EEF2K: variants seen among roughly 807,000 people sequenced by gnomAD.
EEF2K encodes eukaryotic elongation factor 2 kinase, also known as alternative protein EEF2K.
In EEF2K, 70 loss-of-function variants were observed where a neutral mutation model predicts 93.8. That is an observed-to-expected ratio of 0.75 (90% CI 0.62 to 0.91). EEF2K has a LOEUF of 0.91. Among genes scored for constraint, EEF2K ranks in the 40% least tolerant of loss-of-function variants. The pLI is 0.00. For missense variants in EEF2K, 935 were observed against 972.9 expected, an observed-to-expected ratio of 0.96 and a Z score of 0.52; for synonymous variants, 376 against 380.8, an observed-to-expected ratio of 0.99 and a Z score of 0.15.
chr16:22,249,746 T>C (rs1443278571), intron 4 of EEF2K, among the ~76,000 whole-genome samples: 4 of 152,066 alleles, frequency 2.6e-5, no homozygotes, highest in African/African-American at 9.7e-5. Context: ...TAGCTCAGAC[T>C]ACAGGGGTGC....
intron 15 of EEF2K, 117 bp from the exon 16 acceptor site, chr16:22,273,509 G>C: frequency 6.8e-7 from 1 of 1,467,866 alleles, no homozygotes; most frequent in Non-Finnish European, 9.2e-7. Flanking sequence ...CACTTCTATA[G>C]CCTCCCAACC....
chr16:22,240,071 C>T (rs1475664130), intron 2 of EEF2K, among the ~76,000 whole-genome samples: 1 of 150,188 alleles, frequency 6.7e-6, no homozygotes, highest in Admixed American at 6.7e-5. Context: ...CCACTTCACT[C>T]CAGCCTGGTG....
intron 2 of EEF2K, among the ~76,000 whole-genome samples, chr16:22,227,999 C>A (rs2047079619): frequency 6.9e-6 from 1 of 145,706 alleles, no homozygotes; most frequent in Admixed American, 6.9e-5. Flanking sequence ...GAAGGATAAA[C>A]CAAATTCTTT....
chr16:22,231,014 A>T (rs2047109582), intron 2 of EEF2K, among the ~76,000 whole-genome samples: 1 of 152,150 alleles, frequency 6.6e-6, no homozygotes, highest in Non-Finnish European at 1.5e-5. Context: ...AGCCTGGTCC[A>T]TAATAAAGTC....
intron 15 of EEF2K, among the ~76,000 whole-genome samples, chr16:22,271,781 A>G (rs537986501): frequency 1.4e-4 from 22 of 152,284 alleles, no homozygotes; most frequent in Admixed American, 6.5e-4. Context: ...CATATCATCA[A>G]CTCTCACACA....
In EEF2K at chr16:22,280,397, C is replaced by T. The variant is rs772364232; in HGVS notation, c.2068+21C>T. Reference sequence around the variant, plus strand: ...ATCAGGTAGGGCCTGGCAGACCTGCCCCTGGGCTGCAACAGGGCTGGGCAG... The same window carrying T: ...ATCAGGTAGGGCCTGGCAGACCTGCTCCTGGGCTGCAACAGGGCTGGGCAG... On this transcript the variant is annotated intron_variant, in intron 17 of 17. Coordinates refer to ENST00000263026, the MANE Select transcript of EEF2K (RefSeq NM_013302.5). 9 of 1,461,912 alleles carry T rather than the reference C, an allele frequency of 6.2e-6. No individual in the cohort carries two copies. In the Admixed American group the frequency reaches 1.7e-4, roughly 28 times the overall value. The allele number at this position is 1,461,912 out of a possible 1,614,324, so 90.6% of individuals were successfully genotyped here. A position where few individuals can be genotyped will look rare whatever the true frequency, so the allele number is the denominator to read the frequency against.
chr16:22,270,733 T>C (rs575752823), intron 15 of EEF2K, among the ~76,000 whole-genome samples: 31 of 152,278 alleles, frequency 2.0e-4, no homozygotes, highest in Middle Eastern at 3.4e-3. Flanking sequence ...AGGTCATAAA[T>C]GGTAGAATAT....
At chr16:22,234,121 C>T (rs778920232) in intron 2 of EEF2K, among the ~76,000 whole-genome samples, 1 of 152,132 alleles carries the variant, frequency 6.6e-6, no homozygotes, top group Non-Finnish European at 1.5e-5. Context: ...CTAGGCAAAA[C>T]GTTTGTGTGT....
chr16:22,248,121 A>G (rs1260279943), intron 3 of EEF2K, among the ~76,000 whole-genome samples: 4 of 151,556 alleles, frequency 2.6e-5, no homozygotes, highest in Non-Finnish European at 5.9e-5. Flanking sequence ...CTGGAGTGCA[A>G]TGGTGCAATC....
chr16:22,227,839 G>T (rs555967681), intron 2 of EEF2K, among the ~76,000 whole-genome samples: 1 of 151,866 alleles, frequency 6.6e-6, no homozygotes, highest in Admixed American at 6.6e-5. Context: ...GCTCAAGCCT[G>T]TAATCCCAGC....
Position 22,225,945 on chromosome 16 carries a change from C to T in EEF2K, c.216C>T (p.Ser72=), listed in dbSNP as rs764882224. ...NLTKSERYSS[S]GSPANSFHFK... is the part of the protein sequence containing the mutation. ...CAAAAAGTGAGCGGTATAGCTCCAG[C>T]GGGTCCCCGGCAAACTCCTTCCACT... is the stretch of plus-strand genomic sequence containing the variant. The change falls in exon 2 of 18, where the codon AGC becomes AGT. Residue 72 remains serine, a synonymous_variant. Transcript: ENST00000263026. The T allele has an allele frequency of 4.3e-6, 7 of 1,613,976 alleles. No homozygotes were observed. Among genetic ancestry groups the T allele is most frequent in the East Asian group, 2.2e-5 (1 of 44,894 alleles).
intron 1 of EEF2K, among the ~76,000 whole-genome samples, chr16:22,211,426 G>T (rs2046912248): frequency 6.6e-6 from 1 of 152,218 alleles, no homozygotes; most frequent in South Asian, 2.1e-4. Context: ...CAACACAGTA[G>T]GTTGTTTTGT....
In EEF2K at chr16:22,285,143, A is replaced by C; in HGVS notation, c.*1147A>C. 6.6e-6 allele frequency: 1 copy of C among 152,568 alleles called. No homozygotes were observed. Among genetic ancestry groups the C allele is most frequent in the East Asian group, 1.9e-4 (1 of 5,188 alleles). 9.5% of individuals were successfully genotyped at this position (152,568 alleles called of 1,614,324 possible). Reference sequence around the variant, plus strand: ...CGTAAGGACAGCGGCTTGGAATGTGAGAGCCTTTTCTCCAAGCAGACCCAC... The same window carrying C: ...CGTAAGGACAGCGGCTTGGAATGTGCGAGCCTTTTCTCCAAGCAGACCCAC... On this transcript the variant is annotated 3_prime_UTR_variant, in exon 18 of 18. Coordinates refer to ENST00000263026, the MANE Select transcript of EEF2K (RefSeq NM_013302.5).
Position 22,216,257 on chromosome 16 carries a change from C to T in EEF2K, c.-76-9397C>T, listed in dbSNP as rs186777709. Among the ~76,000 whole-genome samples, 6 of 152,282 alleles carry T rather than the reference C, an allele frequency of 3.9e-5. No individual in the cohort carries two copies. In the East Asian group the frequency reaches 5.8e-4, roughly 15 times the overall value. On this transcript the variant is annotated intron_variant, in intron 1 of 17. Transcript: ENST00000263026. ...CCAGGTGCAGCCCTCAACAGCCTAGCGCTGTGTAGTTCCGCTCCCTTAAGG... is the reference window on the plus strand; with the variant it reads ...CCAGGTGCAGCCCTCAACAGCCTAGTGCTGTGTAGTTCCGCTCCCTTAAGG...
At chr16:22,250,530 C>T (rs1392893163) in intron 4 of EEF2K, 124 bp from the exon 5 acceptor site, 7 of 1,158,100 alleles carry the variant, frequency 6.0e-6, no homozygotes. Context: ...CCAGGGATTT[C>T]AGGATTGAGA....
At chr16:22,253,226 G>T (rs995210515) in intron 6 of EEF2K, among the ~76,000 whole-genome samples, 1 of 152,198 alleles carries the variant, frequency 6.6e-6, no homozygotes, top group African/African-American at 2.4e-5. Context: ...GGCATTTGAG[G>T]AAGGATCCAT....
intron 15 of EEF2K, among the ~76,000 whole-genome samples, chr16:22,270,928 A>G (rs1335315723): frequency 6.7e-6 from 1 of 148,890 alleles, no homozygotes; most frequent in Non-Finnish European, 1.5e-5. Flanking sequence ...ATATGTGTGT[A>G]TATATGTGTG....
In EEF2K at chr16:22,280,253, G is replaced by C; in HGVS notation, c.1945G>C (p.Asp649His). 1 of 1,603,480 alleles carries C rather than the reference G, an allele frequency of 6.2e-7. No homozygotes were observed. The highest frequency in any genetic ancestry group is 8.5e-7 in the Non-Finnish European group (1 of 1,175,160). Reference protein sequence around the residue: ...HWYNTALEMTDCDEGGEYDGM... With the variant: ...HWYNTALEMTHCDEGGEYDGM... ...GTACAACACTGCCCTGGAGATGACG[G>C]ACTGTGATGAGGGCGGTGAGTACGA... Residue 649 changes from aspartate to histidine, a missense_variant, in exon 17 of 18, where the codon GAC becomes CAC. Coordinates refer to ENST00000263026, the MANE Select transcript of EEF2K (RefSeq NM_013302.5).
At chr16:22,212,047 C>A (rs2046919585) in intron 1 of EEF2K, among the ~76,000 whole-genome samples, 1 of 152,008 alleles carries the variant, frequency 6.6e-6, no homozygotes, top group African/African-American at 2.4e-5. Context: ...CGTGGACATG[C>A]AGAGAGTGCC....
Sources: gnomAD v4.1 joint callset for allele counts (sites outside exome capture counted in the v4.1 genomes callset) on GRCh38, gnomAD v4.1.1 for gene constraint, MANE v1.5 for transcripts, NCBI Gene and HGNC (gene_info 2026-07-23, HGNC 2026-07-21) for gene names.